The following CRPPA variants were observed in gnomAD, a reference collection of about 807,000 sequenced individuals.
CRPPA encodes D-ribitol-5-phosphate cytidylyltransferase.
A neutral mutation model predicts 52.0 loss-of-function variants in CRPPA; 43 were observed. That is an observed-to-expected ratio of 0.83 (90% CI 0.65 to 1.07). CRPPA has a LOEUF of 1.07. Ranked by LOEUF, CRPPA falls within the 50% of genes least tolerant of loss-of-function variation. The pLI is 0.00. For missense variants in CRPPA, 629 were observed against 551.7 expected (o/e 1.14, Z -1.40); for synonymous variants, 250 against 203.5 (o/e 1.23, Z -1.94).
At chr7:16,409,522 G>A (rs1435395625) in intron 1 of CRPPA, among the ~76,000 whole-genome samples, 1 of 152,174 alleles carries the variant, frequency 6.6e-6, no homozygotes, top group Non-Finnish European at 1.5e-5. Flanking sequence ...TGGGTACCAG[G>A]TGGAGCTTGT....
intron 9 of CRPPA, among the ~76,000 whole-genome samples, chr7:16,192,625 T>A (rs1395224329): frequency 6.6e-6 from 1 of 152,134 alleles, no homozygotes; most frequent in Non-Finnish European, 1.5e-5. Context: ...ATAATACAAA[T>A]CTTTCTTAAA....
chr7:16,242,796 G>C (rs556983490), intron 8 of CRPPA, among the ~76,000 whole-genome samples: 9 of 152,000 alleles, frequency 5.9e-5, no homozygotes, highest in Non-Finnish European at 1.0e-4. Flanking sequence ...CACCTAAGCA[G>C]GGATATTCTC....
At chr7:16,161,923 A>G (rs935808702) in intron 9 of CRPPA, among the ~76,000 whole-genome samples, 2 of 152,258 alleles carry the variant, frequency 1.3e-5, no homozygotes, top group Admixed American at 1.3e-4. Flanking sequence ...GGAGGGTGCT[A>G]TGTGTCCAGG....
At chr7:16,394,540 T>C (rs542694076) in intron 2 of CRPPA, among the ~76,000 whole-genome samples, 27 of 152,320 alleles carry the variant, frequency 1.8e-4, no homozygotes, top group African/African-American at 6.5e-4. Flanking sequence ...TGACTGGTGA[T>C]GTTCTAACTA....
intron 3 of CRPPA, among the ~76,000 whole-genome samples, chr7:16,375,310 CA>C (rs1786853692): frequency 1.3e-5 from 2 of 152,138 alleles, no homozygotes; most frequent in Non-Finnish European, 2.9e-5. Context: ...ATTAGTTGCT[CA>C]AACTTATCAT....
intron 9 of CRPPA, among the ~76,000 whole-genome samples, chr7:16,119,729 T>C (rs1782445674): frequency 6.6e-6 from 1 of 152,206 alleles, no homozygotes; most frequent in Admixed American, 6.5e-5. Flanking sequence ...AGCAGTATTA[T>C]AGAGTGTCAC....
chr7:16,154,939 C>G (rs1783145931), intron 9 of CRPPA, among the ~76,000 whole-genome samples: 1 of 150,088 alleles, frequency 6.7e-6, no homozygotes, highest in African/African-American at 2.5e-5. Context: ...TCCCGAGTAG[C>G]TGGGACATGC....
intron 2 of CRPPA, among the ~76,000 whole-genome samples, chr7:16,397,847 A>G (rs1357824596): frequency 6.6e-6 from 1 of 152,240 alleles, no homozygotes; most frequent in Non-Finnish European, 1.5e-5. Flanking sequence ...ATCAACACGT[A>G]ATCATCACGT....
At chr7:16,399,007 A>C (rs747876805) in intron 2 of CRPPA, among the ~76,000 whole-genome samples, 3 of 152,248 alleles carry the variant, frequency 2.0e-5, no homozygotes, top group African/African-American at 4.8e-5. Flanking sequence ...CACTTGACTG[A>C]CACAATTGAC....
chr7:16,193,716 T>C (rs1781664647), intron 9 of CRPPA, among the ~76,000 whole-genome samples: 2 of 152,070 alleles, frequency 1.3e-5, no homozygotes, highest in Non-Finnish European at 2.9e-5. Context: ...ATACACACAC[T>C]CAGGCATATA....
intron 9 of CRPPA, among the ~76,000 whole-genome samples, chr7:16,127,200 C>A (rs1782597403): frequency 6.6e-6 from 1 of 151,964 alleles, no homozygotes; most frequent in African/African-American, 2.4e-5. Context: ...ATTCAACAAC[C>A]ATCCCTATGA....
chr7:16,124,078 T>C (rs370052377), intron 9 of CRPPA, among the ~76,000 whole-genome samples: 31 of 151,842 alleles, frequency 2.0e-4, no homozygotes, highest in African/African-American at 7.5e-4. Flanking sequence ...AGTAGTTGGA[T>C]TGCTGGATCA....
intron 8 of CRPPA, among the ~76,000 whole-genome samples, chr7:16,252,062 G>A (rs1441330382): frequency 1.3e-5 from 2 of 150,778 alleles, no homozygotes; most frequent in East Asian, 3.9e-4. Flanking sequence ...GACTGCATCA[G>A]CATCATCCTG....
At chr7:16,406,385 T>C in intron 1 of CRPPA, 48 bp from the exon 2 acceptor site, 1 of 1,499,014 alleles carries the variant, frequency 6.7e-7, no homozygotes, top group South Asian at 1.2e-5. Context: ...CTTAGACAAC[T>C]AAAGTGAGTA....
intron 2 of CRPPA, among the ~76,000 whole-genome samples, chr7:16,384,147 G>C (rs138808063): frequency 6.6e-6 from 1 of 152,030 alleles, no homozygotes; most frequent in Non-Finnish European, 1.5e-5. Context: ...GGCTGCAGCC[G>C]TGTTAGGGCC....
At chr7:16,393,729 G>A (rs115881411) in intron 2 of CRPPA, among the ~76,000 whole-genome samples, 13 of 152,088 alleles carry the variant, frequency 8.5e-5, no homozygotes, top group African/African-American at 3.1e-4. Flanking sequence ...AGTATATTAA[G>A]ATTAAAAAAT....
intron 3 of CRPPA, among the ~76,000 whole-genome samples, chr7:16,329,426 C>G (rs1345131920): frequency 1.3e-5 from 2 of 152,182 alleles, no homozygotes; most frequent in Non-Finnish European, 1.5e-5. Context: ...ATATTCCCCT[C>G]TAGATTATCT....
chr7:16,186,238 G>A (rs1439349421), intron 9 of CRPPA, among the ~76,000 whole-genome samples: 1 of 152,156 alleles, frequency 6.6e-6, no homozygotes, highest in Non-Finnish European at 1.5e-5. Flanking sequence ...ATGTATTAGA[G>A]TTCAGCTAAT....
At chr7:16,341,192 A>C (rs939545434) in intron 3 of CRPPA, among the ~76,000 whole-genome samples, 1 of 152,126 alleles carries the variant, frequency 6.6e-6, no homozygotes, top group Non-Finnish European at 1.5e-5. Context: ...ATTAGTTCAA[A>C]GCCTTGAAAC....
Sources: gnomAD v4.1 joint callset for allele counts (sites outside exome capture counted in the v4.1 genomes callset) on GRCh38, gnomAD v4.1.1 for gene constraint, MANE v1.5 for transcripts, NCBI Gene and HGNC (gene_info 2026-07-23, HGNC 2026-07-21) for gene names.